The following FAM135B variants were observed in gnomAD, a reference collection of about 807,000 sequenced individuals.
The protein encoded by FAM135B is family with sequence similarity 135 member B.
In FAM135B, 43 loss-of-function variants were observed where a neutral mutation model predicts 127.7. That is an observed-to-expected ratio of 0.34 (90% CI 0.26 to 0.43). The LOEUF (loss-of-function observed/expected upper bound fraction) is 0.43. Among genes scored for constraint, FAM135B ranks in the 20% least tolerant of loss-of-function variants. The pLI, the probability that FAM135B is intolerant of heterozygous loss-of-function variation, is 1.00. For missense variants in FAM135B, 1,558 were observed against 1,725.6 expected, an observed-to-expected ratio of 0.90 and a Z score of 1.72; for synonymous variants, 670 against 665.1, an observed-to-expected ratio of 1.01 and a Z score of -0.11.
intron 1 of FAM135B, among the ~76,000 whole-genome samples, chr8:138,491,600 TTCAC>T (rs915758383): frequency 2.6e-5 from 4 of 151,642 alleles, no homozygotes; most frequent in Non-Finnish European, 4.4e-5. Context: ...CAATCCTACG[TTCAC>T]TCATTCATTC....
chr8:138,482,386 G>C (rs1814817199), intron 1 of FAM135B, among the ~76,000 whole-genome samples: 1 of 152,142 alleles, frequency 6.6e-6, no homozygotes, highest in African/African-American at 2.4e-5. Flanking sequence ...CATCCTACCA[G>C]GGTTGACTTT....
At chr8:138,469,190 T>G (rs763555687) in intron 1 of FAM135B, among the ~76,000 whole-genome samples, 4 of 151,864 alleles carry the variant, frequency 2.6e-5, no homozygotes, top group Non-Finnish European at 4.4e-5. Context: ...AATTTTCAGT[T>G]TTTAAAGTTT....
chr8:138,388,338 T>C (rs1832341586), intron 1 of FAM135B, among the ~76,000 whole-genome samples: 1 of 152,126 alleles, frequency 6.6e-6, no homozygotes, highest in South Asian at 2.1e-4. Context: ...ATTTTGACAG[T>C]TTTGTATGAA....
intron 1 of FAM135B, among the ~76,000 whole-genome samples, chr8:138,467,238 C>A (rs999087706): frequency 6.6e-6 from 1 of 152,006 alleles, no homozygotes; most frequent in Admixed American, 6.6e-5. Context: ...ACAGGGTTCA[C>A]CAGGGGATGA....
At chr8:138,184,358 T>C (rs1815357109) in intron 9 of FAM135B, among the ~76,000 whole-genome samples, 1 of 152,178 alleles carries the variant, frequency 6.6e-6, no homozygotes, top group African/African-American at 2.4e-5. Flanking sequence ...AGCAGGAGCT[T>C]GTAACCAGGA....
At chr8:138,224,398 C>A (rs562177322) in intron 7 of FAM135B, among the ~76,000 whole-genome samples, 1 of 152,030 alleles carries the variant, frequency 6.6e-6, no homozygotes, top group Non-Finnish European at 1.5e-5. Context: ...ACACAGACAA[C>A]GCAAGAGGGG....
chr8:138,137,431 A>G (rs1816758984), intron 18 of FAM135B, among the ~76,000 whole-genome samples, 171 bp from the exon 19 acceptor site: 1 of 152,204 alleles, frequency 6.6e-6, no homozygotes, highest in South Asian at 2.1e-4. Flanking sequence ...AACAATGCAC[A>G]GCAGATGGCA....
intron 19 of FAM135B, among the ~76,000 whole-genome samples, chr8:138,135,963 AAAAG>A (rs1816624739): frequency 2.6e-5 from 4 of 152,150 alleles, no homozygotes; most frequent in Admixed American, 6.6e-5. Context: ...GAAGAACACG[AAAAG>A]TAGGTAGTGA....
chr8:138,180,561 T>A (rs1014065412), intron 9 of FAM135B, among the ~76,000 whole-genome samples: 8 of 152,144 alleles, frequency 5.3e-5, no homozygotes, highest in Non-Finnish European at 1.0e-4. Flanking sequence ...ATGCTGGAAT[T>A]TTCTTCTGCT....
chr8:138,491,301 G>T (rs1454205195), intron 1 of FAM135B, among the ~76,000 whole-genome samples: 1 of 152,148 alleles, frequency 6.6e-6, no homozygotes, highest in African/African-American at 2.4e-5. Flanking sequence ...GACAAAGAAA[G>T]TGAACAGCAG....
At chr8:138,396,430 C>T (rs77786332) in intron 1 of FAM135B, among the ~76,000 whole-genome samples, 2,798 of 152,220 alleles carry the variant, frequency 0.018, 81 homozygotes, top group African/African-American at 0.063. Context: ...CCATCTGATC[C>T]ACTGAATTCC....
chr8:138,221,515 G>A (rs2130044417), intron 7 of FAM135B, among the ~76,000 whole-genome samples: 1 of 152,324 alleles, frequency 6.6e-6, no homozygotes, highest in South Asian at 2.1e-4. Context: ...TCAGATTTGA[G>A]AAGACAGAAT....
intron 1 of FAM135B, among the ~76,000 whole-genome samples, chr8:138,457,053 T>C (rs1161271154): frequency 2.0e-5 from 3 of 149,460 alleles, no homozygotes; most frequent in Non-Finnish European, 3.0e-5. Flanking sequence ...ACATGTGGAA[T>C]TAAAAATATA....
chr8:138,183,657 T>C (rs1048617371), intron 9 of FAM135B, among the ~76,000 whole-genome samples: 2 of 152,234 alleles, frequency 1.3e-5, no homozygotes, highest in African/African-American at 4.8e-5. Flanking sequence ...TGTTCAAGGA[T>C]TTTTATAACA....
intron 2 of FAM135B, among the ~76,000 whole-genome samples, chr8:138,367,045 C>T (rs926317145): frequency 5.9e-5 from 9 of 152,112 alleles, no homozygotes; most frequent in African/African-American, 9.7e-5. Context: ...TCAGTAGAAC[C>T]GCCCAGCTGA....
chr8:138,229,303 G>A (rs1819730905), intron 7 of FAM135B, among the ~76,000 whole-genome samples: 1 of 152,054 alleles, frequency 6.6e-6, no homozygotes, highest in South Asian at 2.1e-4. Flanking sequence ...GCGTGGCATT[G>A]GACACCTTCT....
chr8:138,251,151 C>T, intron 5 of FAM135B, 137 bp from the exon 6 acceptor site: 5 of 1,021,554 alleles, frequency 4.9e-6, no homozygotes, highest in Non-Finnish European at 7.1e-6. Flanking sequence ...AATGCTCTGC[C>T]TGGTAGAAAT....
chr8:138,348,226 C>A (rs1053918985), intron 2 of FAM135B, among the ~76,000 whole-genome samples: 14 of 141,282 alleles, frequency 9.9e-5, no homozygotes, highest in African/African-American at 3.6e-4. Flanking sequence ...CCTCCACTTC[C>A]CAGGTTCAAG....
intron 3 of FAM135B, chr8:138,309,093 G>A: frequency 2.4e-6 from 1 of 422,876 alleles, no homozygotes; most frequent in Non-Finnish European, 4.7e-6. Context: ...TATGAAGAAT[G>A]CATTTTTATC....
Sources: gnomAD v4.1 joint callset for allele counts (sites outside exome capture counted in the v4.1 genomes callset) on GRCh38, gnomAD v4.1.1 for gene constraint, MANE v1.5 for transcripts, NCBI Gene and HGNC (gene_info 2026-07-23, HGNC 2026-07-21) for gene names.